NFIB: variants seen among roughly 807,000 people sequenced by gnomAD.
The protein encoded by NFIB is nuclear factor I B, also known as nuclear factor 1 B-type.
In NFIB, 11 loss-of-function variants were observed where a neutral mutation model predicts 61.5. The observed-to-expected ratio is 0.18, with a 90% CI of 0.11 to 0.30. The LOEUF is 0.30. Ranked by LOEUF, NFIB falls within the 10% of genes least tolerant of loss-of-function variation. The pLI is 1.00. For missense variants in NFIB, 471 were observed against 608.9 expected (o/e 0.77, Z 2.38); for synonymous variants, 260 against 216.5 (o/e 1.20, Z -1.76).
At chr9:14,149,217 A>G (rs75639750) in intron 5 of NFIB, among the ~76,000 whole-genome samples, 2,894 of 152,294 alleles carry the variant, frequency 0.019, 122 homozygotes, top group East Asian at 0.14. Flanking sequence ...AACTGATATA[A>G]AATTGATCTT....
chr9:14,459,687 C>A, the NFIB span, among the ~76,000 whole-genome samples: 1 of 152,046 alleles, frequency 6.6e-6, no homozygotes. Context: ...AACAAACAAC[C>A]CCATCAAAAA....
chr9:14,240,324 T>G (rs1272680087), intron 2 of NFIB, among the ~76,000 whole-genome samples: 1 of 152,142 alleles, frequency 6.6e-6, no homozygotes, highest in Non-Finnish European at 1.5e-5. Context: ...GCCATATATC[T>G]TTATACTCCA....
intron 3 of NFIB, among the ~76,000 whole-genome samples, chr9:14,176,875 A>T (rs563554045): frequency 6.6e-6 from 1 of 152,274 alleles, no homozygotes; most frequent in Non-Finnish European, 1.5e-5. Context: ...TCCACCTTCA[A>T]GTCAACAGTG....
At chr9:14,144,873 G>T (rs1288471689) in intron 6 of NFIB, among the ~76,000 whole-genome samples, 1 of 152,092 alleles carries the variant, frequency 6.6e-6, no homozygotes, top group African/African-American at 2.4e-5. Flanking sequence ...TGTTGAATTC[G>T]CAACTTCAAG....
intron 10 of NFIB, among the ~76,000 whole-genome samples, chr9:14,104,108 T>G (rs1265027951): frequency 1.3e-5 from 2 of 151,934 alleles, no homozygotes; most frequent in Non-Finnish European, 2.9e-5. Context: ...AGATGGGGTT[T>G]TGCCATGTTG....
chr9:14,443,990 C>A, the NFIB span, among the ~76,000 whole-genome samples: 1 of 152,196 alleles, frequency 6.6e-6, no homozygotes, highest in Non-Finnish European at 1.5e-5. Context: ...TGTCCCCAAA[C>A]TATTTTTCTG....
intron 3 of NFIB, 147 bp downstream of exon 3, chr9:14,179,580 G>T: frequency 1.5e-6 from 1 of 671,042 alleles, no homozygotes; most frequent in Non-Finnish European, 2.4e-6. Flanking sequence ...ACTGCAAAGG[G>T]CCTAAGCACA....
chr9:14,217,429 G>A (rs1027161711), intron 2 of NFIB, among the ~76,000 whole-genome samples: 4 of 152,166 alleles, frequency 2.6e-5, no homozygotes, highest in Non-Finnish European at 5.9e-5. Flanking sequence ...GGGAGGCCAA[G>A]GTGGGTGGAT....
intron 2 of NFIB, among the ~76,000 whole-genome samples, chr9:14,182,676 C>A (rs1001649675): frequency 8.9e-5 from 13 of 145,852 alleles, no homozygotes; most frequent in South Asian, 7.0e-4. Context: ...TTGCTCAACA[C>A]CCCCCACCTC....
At chr9:14,366,093 T>G (rs549927436) in intron 1 of NFIB, among the ~76,000 whole-genome samples, 2 of 152,320 alleles carry the variant, frequency 1.3e-5, no homozygotes, top group Admixed American at 6.5e-5. Flanking sequence ...AGTCTACCCT[T>G]GCACTAAGAC....
At chr9:14,154,895 C>G (rs560834308) in intron 4 of NFIB, among the ~76,000 whole-genome samples, 4 of 152,202 alleles carry the variant, frequency 2.6e-5, no homozygotes, top group African/African-American at 9.6e-5. Context: ...TCCTCAGTAA[C>G]TCGATTACTC....
At chr9:14,446,112 C>G in the NFIB span, among the ~76,000 whole-genome samples, 21 of 152,260 alleles carry the variant, frequency 1.4e-4, no homozygotes, top group Middle Eastern at 3.4e-3. Context: ...GATGCTCACC[C>G]GAAGAACGTG....
At chr9:14,379,086 G>C (rs2061453733) in intron 1 of NFIB, among the ~76,000 whole-genome samples, 1 of 152,210 alleles carries the variant, frequency 6.6e-6, no homozygotes, top group Admixed American at 6.5e-5. Flanking sequence ...ACCTCAAAGA[G>C]AGGGCTCAGA....
rs34055171 is a variant in NFIB at position 14,217,660 on chromosome 9, C to CAAAAAAAAAAAAA, written c.563-37893_563-37881dup. On this transcript the variant is annotated intron_variant, in intron 2 of 10. Transcript: ENST00000380953. Reference sequence around the variant, plus strand: ...GGGCAACAAGAGTGAAACTCCATCTCAAAAAAAAAAAAAAAAAAAAAGACA... The same window carrying CAAAAAAAAAAAAA: ...GGGCAACAAGAGTGAAACTCCATCTCAAAAAAAAAAAAAAAAAAAAAAAAAAAAAAAAAAGACA... Among the ~76,000 whole-genome samples, 512 of 81,426 alleles carry CAAAAAAAAAAAAA rather than the reference C, an allele frequency of 6.3e-3. 11 individuals are homozygous for CAAAAAAAAAAAAA. The highest frequency in any genetic ancestry group is 0.016 in the African/African-American group (317 of 20,198). 53.4% of individuals were successfully genotyped at this position (81,426 alleles called of 152,430 possible).
intron 2 of NFIB, chr9:14,306,053 TA>T: frequency 1.2e-6 from 1 of 820,174 alleles, no homozygotes; most frequent in Non-Finnish European, 1.8e-6. Context: ...AAAATAAAAA[TA>T]ATAAACATTT....
chr9:14,292,881 C>G (rs10961466), intron 2 of NFIB, among the ~76,000 whole-genome samples: 2 of 151,856 alleles, frequency 1.3e-5, no homozygotes, highest in Admixed American at 6.6e-5. Flanking sequence ...TATGTCCATA[C>G]GCAGATATGT....
the NFIB span, among the ~76,000 whole-genome samples, chr9:14,491,714 A>G: frequency 2.9e-4 from 44 of 152,200 alleles, 1 homozygote; most frequent in African/African-American, 9.9e-4. Flanking sequence ...TTCTTGACAC[A>G]GAAGTTTAAT....
At chr9:14,222,339 C>T (rs1385550341) in intron 2 of NFIB, among the ~76,000 whole-genome samples, 5 of 152,148 alleles carry the variant, frequency 3.3e-5, no homozygotes, top group Non-Finnish European at 5.9e-5. Flanking sequence ...CTGAGGAAAT[C>T]CATTGCATCA....
intron 1 of NFIB, among the ~76,000 whole-genome samples, chr9:14,388,250 G>C (rs913493964): frequency 2.0e-5 from 3 of 152,084 alleles, no homozygotes; most frequent in African/African-American, 7.2e-5. Context: ...GTATGCACCT[G>C]TAGTCCCAGC....
Sources: allele counts gnomAD v4.1 joint callset (sites outside exome capture counted in the v4.1 genomes callset), GRCh38; gene constraint gnomAD v4.1.1; transcripts MANE v1.5; gene names NCBI Gene and HGNC (gene_info 2026-07-23, HGNC 2026-07-21).